The following RSU1 variants were observed in gnomAD, a reference collection of about 807,000 sequenced individuals.
RSU1 encodes the protein Ras suppressor protein 1.
A neutral mutation model predicts 31.1 loss-of-function variants in RSU1; 26 were observed. The ratio of observed to expected loss-of-function variants is 0.84; its 90% CI spans 0.61 to 1.16. The LOEUF (loss-of-function observed/expected upper bound fraction) is 1.16. Ranked by LOEUF, RSU1 falls within the 50% of genes most tolerant of loss-of-function variation. The pLI is 0.00. For missense variants in RSU1, 320 were observed against 339.1 expected (o/e 0.94, Z 0.44); for synonymous variants, 164 against 136.3 (o/e 1.20, Z -1.41).
At chr10:16,781,976 C>T in intron 3 of RSU1, 58 bp downstream of exon 3, 6 of 1,382,784 alleles carry the variant, frequency 4.3e-6, no homozygotes, top group Non-Finnish European at 6.1e-6. Context: ...ACAGACTCAG[C>T]AGTGCCATAG....
chr10:16,751,769 A>T (rs1018492942), intron 7 of RSU1, among the ~76,000 whole-genome samples: 1 of 152,232 alleles, frequency 6.6e-6, no homozygotes, highest in African/African-American at 2.4e-5. Flanking sequence ...AAATAATCGC[A>T]GTTTGAGAAA....
intron 2 of RSU1, among the ~76,000 whole-genome samples, chr10:16,782,365 C>T (rs974617248): frequency 9.9e-5 from 15 of 152,176 alleles, no homozygotes; most frequent in African/African-American, 4.8e-5. Flanking sequence ...CTCTGCGTGG[C>T]GCCCCGACCT....
rs369412559 is a variant in RSU1, at chr10:16,620,651, A to C, written c.732-27155T>G. The stretch of plus-strand genomic sequence containing the variant: ...ATGAAGTCAGGAGATCAAGACCATC[A>C]TGGCTAACACGGTGAAACCCCGTCT... On this transcript the variant is annotated intron_variant, in intron 8 of 8. Transcript: ENST00000345264. 3.2e-4 allele frequency among the ~76,000 whole-genome samples: 48 copies of C among 152,030 alleles called. No homozygotes were observed. The Middle Eastern group carries it at 0.017, about 54-fold the overall frequency.
intron 8 of RSU1, among the ~76,000 whole-genome samples, chr10:16,613,249 G>A (rs552472452): frequency 5.3e-5 from 8 of 152,148 alleles, no homozygotes; most frequent in Non-Finnish European, 1.0e-4. Flanking sequence ...CATTTTGCAC[G>A]TTGTATATTA....
At chr10:16,737,144 G>C (rs757522549) in intron 7 of RSU1, among the ~76,000 whole-genome samples, 2 of 151,732 alleles carry the variant, frequency 1.3e-5, no homozygotes, top group Non-Finnish European at 2.9e-5. Flanking sequence ...TAGGAGAGGA[G>C]AGAGAGATGG....
chr10:16,673,287 T>C (rs762108229), intron 8 of RSU1, among the ~76,000 whole-genome samples: 1 of 152,226 alleles, frequency 6.6e-6, no homozygotes, highest in Non-Finnish European at 1.5e-5. Context: ...CTCTTTTGTA[T>C]AGCATGCAGC....
chr10:16,698,072 C>G (rs1835718825), intron 7 of RSU1, among the ~76,000 whole-genome samples: 1 of 139,460 alleles, frequency 7.2e-6, no homozygotes, highest in Admixed American at 7.8e-5. Flanking sequence ...GGGCACAGAG[C>G]AGCATTTCTC....
Position 16,782,047 on chromosome 10 carries a change from A to G in RSU1, c.147T>C (p.His49=), listed in dbSNP as rs752688583. ...AACATCACTTACTTGTTAGCTTGTT[A>G]TGGCTGAGGACCAGTTGTGTGATAT... is the stretch of plus-strand genomic sequence containing the variant. The part of the protein sequence containing the change: ...LSHITQLVLS[H]NKLTMVPPNI... Residue 49 remains histidine (H), a synonymous_variant, in exon 3 of 9, where the codon CAT becomes CAC. Coordinates refer to ENST00000345264, the MANE Select transcript of RSU1 (RefSeq NM_012425.4). 4 of 1,613,182 alleles carry G rather than the reference A, an allele frequency of 2.5e-6. No homozygotes were observed. The highest frequency in any genetic ancestry group is 3.4e-6 in the Non-Finnish European group (4 of 1,179,586).
chr10:16,687,787 T>C (rs1020938143), intron 8 of RSU1, among the ~76,000 whole-genome samples: 20 of 152,168 alleles, frequency 1.3e-4, no homozygotes, highest in African/African-American at 4.6e-4. Flanking sequence ...TGGTGTGATC[T>C]TGGCTCATTG....
At chr10:16,790,486 T>C (rs1837888545) in intron 2 of RSU1, among the ~76,000 whole-genome samples, 1 of 152,230 alleles carries the variant, frequency 6.6e-6, no homozygotes, top group African/African-American at 2.4e-5. Context: ...GAGATGTTAC[T>C]TATCGTAGGA....
chr10:16,813,164 C>A (rs2131281346), intron 2 of RSU1, among the ~76,000 whole-genome samples: 1 of 152,210 alleles, frequency 6.6e-6, no homozygotes, highest in Non-Finnish European at 1.5e-5. Flanking sequence ...GGGTCTCACT[C>A]TATTGCCCAC....
At chr10:16,613,715 T>C (rs1250990246) in intron 8 of RSU1, among the ~76,000 whole-genome samples, 1 of 152,068 alleles carries the variant, frequency 6.6e-6, no homozygotes, top group Non-Finnish European at 1.5e-5. Flanking sequence ...AGTAATGCTA[T>C]ATTCTCTGTT....
chr10:16,666,883 G>T (rs1278548764), intron 8 of RSU1, among the ~76,000 whole-genome samples: 2 of 152,070 alleles, frequency 1.3e-5, no homozygotes, highest in Admixed American at 1.3e-4. Context: ...CAGCTACTCA[G>T]GAGGCTAAAG....
At chr10:16,643,466 T>G (rs776248140) in intron 8 of RSU1, among the ~76,000 whole-genome samples, 1 of 152,226 alleles carries the variant, frequency 6.6e-6, no homozygotes. Context: ...ATAAATTATA[T>G]ATTACATACA....
chr10:16,662,295 C>T (rs1331398444), intron 8 of RSU1, among the ~76,000 whole-genome samples: 1 of 152,216 alleles, frequency 6.6e-6, no homozygotes, highest in Non-Finnish European at 1.5e-5. Flanking sequence ...ACAGACAGCA[C>T]TTCTCTTTGA....
At chr10:16,703,547 G>C (rs1385236599) in intron 7 of RSU1, among the ~76,000 whole-genome samples, 11 of 152,164 alleles carry the variant, frequency 7.2e-5, no homozygotes, top group Non-Finnish European at 1.6e-4. Context: ...AAACAACTCA[G>C]ATGTCTAGGG....
chr10:16,727,065 A>G, intron 7 of RSU1: 1 of 456,656 alleles, frequency 2.2e-6, no homozygotes, highest in South Asian at 1.5e-5. Context: ...CAAGGAACTA[A>G]TTAATGTGCA....
intron 7 of RSU1, among the ~76,000 whole-genome samples, chr10:16,720,587 A>G (rs1412449211): frequency 3.3e-5 from 5 of 152,370 alleles, no homozygotes; most frequent in African/African-American, 1.2e-4. Flanking sequence ...CTCATGCGCT[A>G]GAGTTTCTCA....
intron 2 of RSU1, among the ~76,000 whole-genome samples, chr10:16,814,950 G>A (rs888860048): frequency 5.3e-5 from 8 of 152,230 alleles, no homozygotes; most frequent in Admixed American, 2.0e-4. Flanking sequence ...TTCAAAAGCC[G>A]AAGGGTACAA....
Sources: allele counts gnomAD v4.1 joint callset (sites outside exome capture counted in the v4.1 genomes callset), GRCh38; gene constraint gnomAD v4.1.1; transcripts MANE v1.5; gene names NCBI Gene and HGNC (gene_info 2026-07-23, HGNC 2026-07-21).